DLG1: variants seen among roughly 807,000 people sequenced by gnomAD.
DLG1 encodes the protein discs large MAGUK scaffold protein 1, also known as disks large homolog 1.
Under a neutral mutation model 123.4 loss-of-function variants are expected in DLG1, and 42 were observed. The observed-to-expected ratio is 0.34, with a 90% CI of 0.27 to 0.44. The LOEUF is 0.44. DLG1 is among the 20% of genes least tolerant of loss of function. DLG1 has a pLI of 1.00. For missense variants in DLG1, 942 were observed against 1,082.6 expected (o/e 0.87, Z 1.82); for synonymous variants, 317 against 356.2 (o/e 0.89, Z 1.24).
rs544900680 is a variant in DLG1 at position 197,067,869 on chromosome 3, AG to A, written c.2048-1116del. 6.6e-5 allele frequency among the ~76,000 whole-genome samples: 10 copies of A among 150,620 alleles called. No homozygotes were observed. The East Asian group carries it at 1.9e-3, about 29-fold the overall frequency. On this transcript the variant is annotated intron_variant, in intron 19 of 24. Transcript: ENST00000667157. ...GCCGCGCCCGGCCAAAAACTCTAGG[AG>A]TTTTAAACTAACACACACACATCCC...
At chr3:197,087,553 T>C (rs3843376) in intron 15 of DLG1, among the ~76,000 whole-genome samples, 58,509 of 151,920 alleles carry the variant, frequency 0.39, 12,047 homozygotes, top group East Asian at 0.74. Flanking sequence ...TATAGCACAC[T>C]GTGTCTATTT....
intron 7 of DLG1, 94 bp downstream of exon 7, chr3:197,142,624 G>T: frequency 1.1e-6 from 1 of 902,646 alleles, no homozygotes. Flanking sequence ...ATATCATATA[G>T]TTCTGTTTTT....
At chr3:197,187,657 C>T (rs1422277124) in intron 5 of DLG1, among the ~76,000 whole-genome samples, 1 of 152,126 alleles carries the variant, frequency 6.6e-6, no homozygotes, top group African/African-American at 2.4e-5. Flanking sequence ...CTCAATAATA[C>T]TCCTACTGTC....
intron 23 of DLG1, among the ~76,000 whole-genome samples, chr3:197,054,646 T>C (rs1327924287): frequency 2.0e-5 from 3 of 152,138 alleles, no homozygotes; most frequent in Non-Finnish European, 4.4e-5. Flanking sequence ...TCATCTTTTT[T>C]TTCCTTTATC....
At chr3:197,161,753 T>G (rs774365168) in intron 5 of DLG1, 2 of 1,518,086 alleles carry the variant, frequency 1.3e-6, no homozygotes, top group African/African-American at 2.8e-5. Context: ...AAATCATCAA[T>G]GACAAAAAAT....
rs568265786 is a variant in DLG1, at chr3:197,103,153, C to G, written c.1546+1750G>C. ...TAACTCTTCCCCTCTTTCCGTGTGG[C>G]TTCTGCAAGACCTCAGCTGCTTAAG... On this transcript the variant is annotated intron_variant, in intron 14 of 24. Coordinates refer to ENST00000667157, the MANE Select transcript of DLG1 (RefSeq NM_001366207.1). Among the ~76,000 whole-genome samples the G allele has an allele frequency of 2.6e-5, 4 of 152,306 alleles. No individual in the cohort carries two copies. In the East Asian group the frequency reaches 5.8e-4, roughly 22 times the overall value.
At chr3:197,277,263 T>G (rs1766919473) in intron 4 of DLG1, among the ~76,000 whole-genome samples, 1 of 151,970 alleles carries the variant, frequency 6.6e-6, no homozygotes, top group South Asian at 2.1e-4. Flanking sequence ...TGTATTGTGA[T>G]GTTAGGAGTA....
chr3:197,207,079 G>C (rs545565582), intron 4 of DLG1, among the ~76,000 whole-genome samples: 38 of 152,328 alleles, frequency 2.5e-4, no homozygotes, highest in Non-Finnish European at 4.7e-4. Context: ...AGCTGCCTCT[G>C]TGATGCGGTG....
At chr3:197,239,499 A>G (rs1747747942) in intron 4 of DLG1, among the ~76,000 whole-genome samples, 1 of 152,140 alleles carries the variant, frequency 6.6e-6, no homozygotes. Flanking sequence ...GCTACCAAAT[A>G]CCAAGGCCAA....
chr3:197,118,392 TTTC>T (rs1774454894), intron 12 of DLG1, among the ~76,000 whole-genome samples: 1 of 152,196 alleles, frequency 6.6e-6, no homozygotes, highest in Admixed American at 6.5e-5. Flanking sequence ...AACACTATTC[TTTC>T]TGCTAATTTT....
chr3:197,151,956 C>T (rs1794075144), intron 5 of DLG1, among the ~76,000 whole-genome samples: 1 of 152,166 alleles, frequency 6.6e-6, no homozygotes, highest in South Asian at 2.1e-4. Context: ...TATCCTTGCC[C>T]TTTTACTGCC....
chr3:197,170,131 T>A (rs1803419037), intron 5 of DLG1, among the ~76,000 whole-genome samples: 1 of 152,218 alleles, frequency 6.6e-6, no homozygotes, highest in Non-Finnish European at 1.5e-5. Flanking sequence ...GTGGTGTGTA[T>A]GTGCCACATT....
intron 4 of DLG1, among the ~76,000 whole-genome samples, chr3:197,198,922 G>A (rs1307231683): frequency 6.6e-6 from 1 of 152,162 alleles, no homozygotes. Context: ...TCAAGAGGGA[G>A]AAATGATGCT....
At chr3:197,104,544 T>C (rs908084535) in intron 14 of DLG1, among the ~76,000 whole-genome samples, 4 of 152,054 alleles carry the variant, frequency 2.6e-5, no homozygotes, top group African/African-American at 9.7e-5. Context: ...TTAGCCGGTA[T>C]GGTGGTGCAT....
At chr3:197,256,012 T>C (rs993969671) in intron 4 of DLG1, among the ~76,000 whole-genome samples, 1 of 152,144 alleles carries the variant, frequency 6.6e-6, no homozygotes, top group African/African-American at 2.4e-5. Flanking sequence ...AACAAGAATC[T>C]TTGGGAATTA....
At chr3:197,155,237 A>T (rs148190171) in intron 5 of DLG1, among the ~76,000 whole-genome samples, 1 of 152,198 alleles carries the variant, frequency 6.6e-6, no homozygotes, top group Non-Finnish European at 1.5e-5. Context: ...ACTTCACATC[A>T]GACACTCTGG....
intron 16 of DLG1, among the ~76,000 whole-genome samples, chr3:197,084,509 AC>A (rs1245693593): frequency 6.6e-6 from 1 of 151,652 alleles, no homozygotes; most frequent in Non-Finnish European, 1.5e-5. Context: ...ACGGGGTTTC[AC>A]CATACTGGCC....
intron 14 of DLG1, among the ~76,000 whole-genome samples, chr3:197,092,976 G>T (rs1758563572): frequency 6.6e-6 from 1 of 151,970 alleles, no homozygotes; most frequent in Non-Finnish European, 1.5e-5. Context: ...TAAAACACAG[G>T]TATTTAAAAG....
intron 23 of DLG1, among the ~76,000 whole-genome samples, chr3:197,055,552 C>T (rs1295881523): frequency 6.6e-6 from 1 of 152,132 alleles, no homozygotes; most frequent in African/African-American, 2.4e-5. Context: ...TGTTTCTGTA[C>T]CAGGAATCAG....
Sources: gnomAD v4.1 joint callset for allele counts (sites outside exome capture counted in the v4.1 genomes callset) on GRCh38, gnomAD v4.1.1 for gene constraint, MANE v1.5 for transcripts, NCBI Gene and HGNC (gene_info 2026-07-23, HGNC 2026-07-21) for gene names.